Variants in TENM2 observed in about 807,000 individuals in gnomAD.
TENM2 encodes the protein teneurin transmembrane protein 2, also known as teneurin-2.
Under a neutral mutation model 245.2 loss-of-function variants are expected in TENM2, and 52 were observed. That is an observed-to-expected ratio of 0.21 (90% CI 0.17 to 0.27). TENM2 has a LOEUF of 0.27. Ranked by LOEUF, TENM2 falls within the 10% of genes least tolerant of loss-of-function variation. The pLI is 1.00. For missense variants in TENM2, 3,046 were observed against 3,666.8 expected (o/e 0.83, Z 4.37); for synonymous variants, 1,363 against 1,438.9 (o/e 0.95, Z 1.19).
chr5:167,741,462 A>G (rs1218039697), intron 2 of TENM2, among the ~76,000 whole-genome samples: 1 of 152,030 alleles, frequency 6.6e-6, no homozygotes, highest in Non-Finnish European at 1.5e-5. Flanking sequence ...GTTCTCTTGG[A>G]TTTTCCAGTT....
chr5:167,046,418 G>A, the TENM2 span, among the ~76,000 whole-genome samples: 1 of 152,122 alleles, frequency 6.6e-6, no homozygotes, highest in Admixed American at 6.5e-5. Flanking sequence ...AAACTTAAAG[G>A]TACAGTGCTT....
intron 2 of TENM2, among the ~76,000 whole-genome samples, chr5:167,803,260 C>T (rs1319165956): frequency 6.6e-6 from 1 of 152,126 alleles, no homozygotes; most frequent in East Asian, 1.9e-4. Flanking sequence ...AAAATTCCAC[C>T]AGTCAAGGTT....
chr5:167,863,283 C>G (rs1390755265), intron 2 of TENM2, among the ~76,000 whole-genome samples: 2 of 152,034 alleles, frequency 1.3e-5, no homozygotes, highest in African/African-American at 4.8e-5. Context: ...CAATATGGGC[C>G]CTCTTGTGAC....
intron 2 of TENM2, among the ~76,000 whole-genome samples, chr5:167,815,424 C>G (rs1583079840): frequency 6.6e-6 from 1 of 152,122 alleles, no homozygotes; most frequent in Non-Finnish European, 1.5e-5. Flanking sequence ...GAACCAAGCA[C>G]CATTATTCTC....
intron 2 of TENM2, among the ~76,000 whole-genome samples, chr5:167,580,350 A>T (rs1198875509): frequency 6.6e-6 from 1 of 152,060 alleles, no homozygotes; most frequent in Non-Finnish European, 1.5e-5. Flanking sequence ...ATTTGGGGGG[A>T]CATCTTTCTA....
intron 2 of TENM2, among the ~76,000 whole-genome samples, chr5:167,476,354 T>C (rs1767372218): frequency 6.6e-6 from 1 of 152,224 alleles, no homozygotes; most frequent in African/African-American, 2.4e-5. Flanking sequence ...CAGTACACTT[T>C]GGTCATTAGG....
At chr5:167,730,762 A>G (rs1402004197) in intron 2 of TENM2, among the ~76,000 whole-genome samples, 1 of 152,178 alleles carries the variant, frequency 6.6e-6, no homozygotes, top group South Asian at 2.1e-4. Context: ...AAAATTAGTG[A>G]CATAAACTCT....
rs564687229 is a variant in TENM2 at position 167,868,597 on chromosome 5, C to T, written c.503-7389C>T. Among the ~76,000 whole-genome samples, 149 of 151,604 alleles carry T rather than the reference C, an allele frequency of 9.8e-4. 1 individual carries two copies. Among genetic ancestry groups the T allele is most frequent in the Admixed American group, 2.5e-3 (38 of 15,226 alleles). On this transcript the variant is annotated intron_variant, in intron 2 of 28. Coordinates refer to ENST00000518659, the Ensembl canonical transcript of TENM2. ...ACTAAAAATCCAAATATTAGCCTGG[C>T]GTGATGGTGCGTGCCTGTAATCCCA...
At chr5:168,251,147 C>A (rs1767077778) in intron 27 of TENM2, among the ~76,000 whole-genome samples, 1 of 152,106 alleles carries the variant, frequency 6.6e-6, no homozygotes, top group Admixed American at 6.6e-5. Context: ...GTATCAGACA[C>A]CTTGGGAATG....
chr5:168,225,761 C>CAAAAAAAA, intron 23 of TENM2, among the ~76,000 whole-genome samples: 1 of 57,132 alleles, frequency 1.8e-5, no homozygotes, highest in Non-Finnish European at 3.9e-5. Context: ...TCCATCATCT[C>CAAAAAAAA]AAAAAAAAAA....
intron 2 of TENM2, among the ~76,000 whole-genome samples, chr5:167,583,466 G>A (rs2127687626): frequency 1.1e-5 from 1 of 91,762 alleles, no homozygotes; most frequent in South Asian, 3.9e-4. Context: ...GGCATTATGA[G>A]TATATGTACA....
intron 2 of TENM2, among the ~76,000 whole-genome samples, chr5:167,698,859 T>C (rs1452845205): frequency 1.3e-5 from 2 of 151,978 alleles, no homozygotes; most frequent in Non-Finnish European, 2.9e-5. Context: ...AATTTTTGTA[T>C]TTTTAGTAGA....
exon 6 of TENM2, chr5:168,047,515 C>A (rs749872396): frequency 1.3e-6 from 2 of 1,551,690 alleles, no homozygotes; most frequent in South Asian, 2.4e-5. Flanking sequence ...TACCAGGAAA[C>A]GATGATGTGG....
At chr5:167,269,689 G>A in the TENM2 span, among the ~76,000 whole-genome samples, 1 of 151,994 alleles carries the variant, frequency 6.6e-6, no homozygotes, top group Non-Finnish European at 1.5e-5. Flanking sequence ...AAAGTCTCCA[G>A]GGAATATCTT....
At position 167,753,979 on chromosome 5, in the gene TENM2, A is replaced by G. The variant is rs1582917889; in HGVS notation, c.503-122007A>G. Among the ~76,000 whole-genome samples, 3 of 152,080 alleles carry G rather than the reference A, an allele frequency of 2.0e-5. No homozygotes were observed. In the East Asian group the frequency reaches 5.8e-4, roughly 29 times the overall value. On this transcript the variant is annotated intron_variant, in intron 2 of 28. Coordinates refer to ENST00000518659, the Ensembl canonical transcript of TENM2. ...ATAGTCATCCTGTTTCCTTCCTCACAGTATATGGAGTTGGGATGCATTGTT... is the reference window on the plus strand; with the variant it reads ...ATAGTCATCCTGTTTCCTTCCTCACGGTATATGGAGTTGGGATGCATTGTT...
intron 7 of TENM2, among the ~76,000 whole-genome samples, chr5:168,083,432 A>G (rs1242047244): frequency 6.6e-6 from 1 of 152,142 alleles, no homozygotes; most frequent in African/African-American, 2.4e-5. Context: ...GCTTTGGCGT[A>G]CACTCTGTGG....
chr5:167,643,500 A>G (rs1204848707), intron 2 of TENM2, among the ~76,000 whole-genome samples: 1 of 152,164 alleles, frequency 6.6e-6, no homozygotes, highest in African/African-American at 2.4e-5. Flanking sequence ...TGCTTCTGTT[A>G]AAAATAAAAA....
intron 2 of TENM2, among the ~76,000 whole-genome samples, chr5:167,665,001 A>G (rs563049174): frequency 3.7e-4 from 57 of 152,350 alleles, no homozygotes; most frequent in Non-Finnish European, 7.1e-4. Flanking sequence ...TATGATTTCA[A>G]GTATCATAAA....
At chr5:167,036,222 G>C in the TENM2 span, among the ~76,000 whole-genome samples, 1 of 152,164 alleles carries the variant, frequency 6.6e-6, no homozygotes, top group Non-Finnish European at 1.5e-5. Flanking sequence ...CAAGAGAAAA[G>C]CAAGTGCCAG....
Sources: gnomAD v4.1 joint callset for allele counts (sites outside exome capture counted in the v4.1 genomes callset) on GRCh38, gnomAD v4.1.1 for gene constraint, MANE v1.5 for transcripts, NCBI Gene and HGNC (gene_info 2026-07-23, HGNC 2026-07-21) for gene names.